Variants in SNTG1 observed in about 807,000 individuals in gnomAD.
SNTG1 encodes the protein syntrophin gamma 1.
A neutral mutation model predicts 74.7 loss-of-function variants in SNTG1; 39 were observed. The observed-to-expected ratio is 0.52, with a 90% CI of 0.40 to 0.68. The LOEUF (loss-of-function observed/expected upper bound fraction) is 0.68, where lower values mean the gene tolerates loss of function less well. Ranked by LOEUF, SNTG1 falls within the 30% of genes least tolerant of loss-of-function variation. The pLI is 0.00. For missense variants in SNTG1, 685 were observed against 609.5 expected (o/e 1.12, Z -1.30); for synonymous variants, 254 against 217.1 (o/e 1.17, Z -1.49).
At chr8:50,061,588 T>C (rs1345557528) in intron 1 of SNTG1, among the ~76,000 whole-genome samples, 1 of 152,126 alleles carries the variant, frequency 6.6e-6, no homozygotes, top group Non-Finnish European at 1.5e-5. Flanking sequence ...TTTAGATTAT[T>C]GATTTGAGAT....
intron 17 of SNTG1, among the ~76,000 whole-genome samples, chr8:50,746,073 T>C (rs2095554499): frequency 6.6e-6 from 1 of 152,018 alleles, no homozygotes; most frequent in Non-Finnish European, 1.5e-5. Flanking sequence ...TGAATGTTCT[T>C]TTTATTTTTA....
At chr8:50,012,849 T>A (rs1332393193) in intron 1 of SNTG1, among the ~76,000 whole-genome samples, 1 of 152,120 alleles carries the variant, frequency 6.6e-6, no homozygotes, top group East Asian at 1.9e-4. Context: ...CAGCTGCAGC[T>A]GTCCCTACTT....
chr8:50,645,778 CAT>C (rs2095105242), intron 13 of SNTG1, among the ~76,000 whole-genome samples: 1 of 152,074 alleles, frequency 6.6e-6, no homozygotes, highest in Non-Finnish European at 1.5e-5. Context: ...TATTTTGCCT[CAT>C]GTTTTTCTCT....
intron 15 of SNTG1, among the ~76,000 whole-genome samples, chr8:50,681,890 C>T (rs2095332318): frequency 6.6e-6 from 1 of 152,196 alleles, no homozygotes; most frequent in African/African-American, 2.4e-5. Context: ...AACATGTCCT[C>T]TGACTCTGCA....
intron 2 of SNTG1, among the ~76,000 whole-genome samples, chr8:50,374,503 A>G (rs2092335981): frequency 6.6e-6 from 1 of 152,166 alleles, no homozygotes; most frequent in South Asian, 2.1e-4. Context: ...AAGGCGCACA[A>G]AAGATCTTCA....
intron 1 of SNTG1, among the ~76,000 whole-genome samples, chr8:49,932,461 A>G (rs1807679286): frequency 6.6e-6 from 1 of 152,056 alleles, no homozygotes; most frequent in Non-Finnish European, 1.5e-5. Flanking sequence ...TTATTATTGA[A>G]TAATATATAA....
intron 1 of SNTG1, among the ~76,000 whole-genome samples, chr8:49,932,222 T>A (rs1039575494): frequency 1.3e-5 from 2 of 152,180 alleles, no homozygotes; most frequent in African/African-American, 4.8e-5. Flanking sequence ...TTACAGCTTC[T>A]AAAACATAGT....
At chr8:50,640,909 C>A (rs920416369) in intron 13 of SNTG1, among the ~76,000 whole-genome samples, 1 of 152,150 alleles carries the variant, frequency 6.6e-6, no homozygotes, top group Non-Finnish European at 1.5e-5. Flanking sequence ...ATCCCAACTT[C>A]AATTTCCTAA....
chr8:50,722,770 CT>C (rs1253674667), intron 17 of SNTG1, among the ~76,000 whole-genome samples: 1 of 152,046 alleles, frequency 6.6e-6, no homozygotes, highest in Non-Finnish European at 1.5e-5. Context: ...CTTTCTTCAT[CT>C]TTACTTTCAG....
chr8:49,998,312 T>C (rs1403245964), intron 1 of SNTG1, among the ~76,000 whole-genome samples: 1 of 152,180 alleles, frequency 6.6e-6, no homozygotes, highest in Non-Finnish European at 1.5e-5. Flanking sequence ...TTACTTACTA[T>C]ACATTGTTGT....
intron 1 of SNTG1, among the ~76,000 whole-genome samples, chr8:50,167,075 G>T (rs960584527): frequency 7.7e-6 from 1 of 129,240 alleles, no homozygotes; most frequent in East Asian, 2.3e-4. Context: ...TGAACAATGC[G>T]ATCACATGGA....
chr8:50,190,679 C>T lies in SNTG1; in HGVS notation c.-28+18044C>T, dbSNP rs551475654. 1.7e-3 allele frequency among the ~76,000 whole-genome samples: 263 copies of T among 152,172 alleles called. 2 individuals are homozygous for T. Among genetic ancestry groups the T allele is most frequent in the African/African-American group, 5.9e-3 (247 of 41,518 alleles). ...AGTGCCTTTTAGAGGTAAATTGTTT[C>T]AATAAAGCTTCTTGCACACACTTGC... On this transcript the variant is annotated intron_variant, in intron 2 of 18. Coordinates refer to ENST00000642720, the MANE Select transcript of SNTG1 (RefSeq NM_018967.5).
At chr8:50,459,618 C>T (rs987612674) in intron 8 of SNTG1, among the ~76,000 whole-genome samples, 2 of 151,962 alleles carry the variant, frequency 1.3e-5, no homozygotes, top group South Asian at 2.1e-4. Context: ...ATGAAAGACC[C>T]GTCGCTCAGG....
intron 1 of SNTG1, chr8:50,163,485 T>TC (rs1297620863): frequency 2.0e-5 from 3 of 150,800 alleles, no homozygotes; most frequent in African/African-American, 7.3e-5. Context: ...TTTTTTCTTT[T>TC]TTTTTTTTTT....
intron 15 of SNTG1, among the ~76,000 whole-genome samples, chr8:50,694,155 G>A (rs2095394394): frequency 1.4e-5 from 2 of 144,616 alleles, no homozygotes; most frequent in South Asian, 4.4e-4. Flanking sequence ...AGGAAATGAA[G>A]TTTTTTTTTT....
chr8:50,024,335 T>G (rs1034335430), intron 1 of SNTG1, among the ~76,000 whole-genome samples: 1 of 152,084 alleles, frequency 6.6e-6, no homozygotes, highest in Non-Finnish European at 1.5e-5. Context: ...AATCCAGAAC[T>G]ACAAAAAGGA....
In SNTG1 at chr8:50,142,063, C is replaced by A. The variant is rs189443425; in HGVS notation, c.-102-30498C>A. Among the ~76,000 whole-genome samples the A allele has an allele frequency of 3.0e-3, 454 of 152,150 alleles. 2 individuals are homozygous for A. The highest frequency in any genetic ancestry group is 4.4e-3 in the Non-Finnish European group (302 of 67,952). On this transcript the variant is annotated intron_variant, in intron 1 of 18. Coordinates refer to ENST00000642720, the MANE Select transcript of SNTG1 (RefSeq NM_018967.5). ...TACTTTTTATCTTTAAATGTTATGACATTTCTTTCTGGGTCACTATAATTG... is the reference window on the plus strand; with the variant it reads ...TACTTTTTATCTTTAAATGTTATGAAATTTCTTTCTGGGTCACTATAATTG...
At chr8:50,242,376 A>G (rs1361640371) in intron 2 of SNTG1, among the ~76,000 whole-genome samples, 1 of 151,842 alleles carries the variant, frequency 6.6e-6, no homozygotes, top group African/African-American at 2.4e-5. Context: ...TAACATAGAA[A>G]AATTAGCTGG....
At chr8:49,989,524 G>A (rs1308641521) in intron 1 of SNTG1, among the ~76,000 whole-genome samples, 1 of 151,812 alleles carries the variant, frequency 6.6e-6, no homozygotes, top group African/African-American at 2.4e-5. Flanking sequence ...TACCAAACAT[G>A]CAATAAATAG....
Sources: allele counts gnomAD v4.1 joint callset (sites outside exome capture counted in the v4.1 genomes callset), GRCh38; gene constraint gnomAD v4.1.1; transcripts MANE v1.5; gene names NCBI Gene and HGNC (gene_info 2026-07-23, HGNC 2026-07-21).